Variants in ZNF804B observed in about 807,000 individuals in gnomAD.
ZNF804B encodes zinc finger protein 804B, also known as zinc finger 804B.
ZNF804B carries 80 observed loss-of-function variants against 101.4 expected under a neutral mutation model. That is an observed-to-expected ratio of 0.79 (90% CI 0.66 to 0.95). The LOEUF (loss-of-function observed/expected upper bound fraction) is 0.95, where lower values mean the gene tolerates loss of function less well. Among genes scored for constraint, ZNF804B ranks in the 40% least tolerant of loss-of-function variants. The pLI, the probability that ZNF804B is intolerant of heterozygous loss-of-function variation, is 0.00. For synonymous variants in ZNF804B, 622 were observed against 558.8 expected, an observed-to-expected ratio of 1.11 and a Z score of -1.59; for missense variants, 1,673 against 1,561.9, an observed-to-expected ratio of 1.07 and a Z score of -1.20.
chr7:88,795,001 G>C, intron 1 of ZNF804B: 1 of 1,433,330 alleles, frequency 7.0e-7, no homozygotes, highest in African/African-American at 1.4e-5. Context: ...TAATATTTAT[G>C]CTGCCAGGGT....
At chr7:88,760,144 GAT>G in intron 1 of ZNF804B, 60 bp downstream of exon 1, 1 of 1,342,752 alleles carries the variant, frequency 7.4e-7, no homozygotes, top group South Asian at 1.2e-5. Flanking sequence ...CAAACAAAAA[GAT>G]ATTGAGAGAT....
intron 1 of ZNF804B, among the ~76,000 whole-genome samples, chr7:88,865,654 C>G (rs937717088): frequency 6.6e-6 from 1 of 152,214 alleles, no homozygotes; most frequent in African/African-American, 2.4e-5. Context: ...TCTACCAAAA[C>G]TTTTGTTCCA....
chr7:88,958,564 A>G (rs148995127), intron 1 of ZNF804B, among the ~76,000 whole-genome samples: 236 of 151,636 alleles, frequency 1.6e-3, no homozygotes, highest in Non-Finnish European at 2.9e-3. Context: ...TCTAGTCACT[A>G]TGAACTATGT....
At chr7:88,926,979 G>T (rs971562137) in intron 1 of ZNF804B, among the ~76,000 whole-genome samples, 2 of 149,738 alleles carry the variant, frequency 1.3e-5, no homozygotes, top group South Asian at 4.2e-4. Flanking sequence ...TTGTACAAGT[G>T]CAGGGCTCCT....
At chr7:89,138,235 C>T (rs1584009065) in intron 1 of ZNF804B, among the ~76,000 whole-genome samples, 1 of 152,016 alleles carries the variant, frequency 6.6e-6, no homozygotes, top group Non-Finnish European at 1.5e-5. Flanking sequence ...TACTGGGGCA[C>T]TGCCTAGTGG....
intron 1 of ZNF804B, among the ~76,000 whole-genome samples, chr7:88,816,298 A>G (rs552422381): frequency 6.6e-6 from 1 of 152,306 alleles, no homozygotes; most frequent in East Asian, 1.9e-4. Context: ...AACCTAGGCA[A>G]TACCATTCAG....
chr7:88,995,346 AATAG>A (rs1788170379), intron 1 of ZNF804B, among the ~76,000 whole-genome samples: 1 of 152,108 alleles, frequency 6.6e-6, no homozygotes, highest in South Asian at 2.1e-4. Flanking sequence ...CAGAGCATAT[AATAG>A]ATATACTTAC....
At position 88,759,738 on chromosome 7, in the gene ZNF804B, G is replaced by A; in HGVS notation, c.-239G>A. ...GAGCAGCATGTGGACTGGCTCGCCG[G>A]GTCCCCTCCGTGCTCTGTGCTGTCG... On this transcript the variant is annotated 5_prime_UTR_variant, in exon 1 of 4. Coordinates refer to ENST00000333190, the MANE Select transcript of ZNF804B (RefSeq NM_181646.5). 7.3e-6 allele frequency: 4 copies of A among 547,442 alleles called. No homozygotes were observed. Among genetic ancestry groups the A allele is most frequent in the African/African-American group, 1.9e-5 (1 of 52,826 alleles). 33.9% of individuals were successfully genotyped at this position (547,442 alleles called of 1,614,324 possible).
chr7:89,187,788 G>A (rs1462796726), intron 1 of ZNF804B, among the ~76,000 whole-genome samples: 2 of 152,038 alleles, frequency 1.3e-5, no homozygotes, highest in African/African-American at 4.8e-5. Flanking sequence ...ACATAACTTT[G>A]ACATGTAAGG....
intron 1 of ZNF804B, among the ~76,000 whole-genome samples, chr7:88,897,484 T>C (rs1469631814): frequency 2.6e-5 from 4 of 152,026 alleles, no homozygotes; most frequent in African/African-American, 9.7e-5. Context: ...TTTGGACTTC[T>C]GAATTCCAGA....
chr7:88,760,002 C>A lies in ZNF804B; in HGVS notation c.26C>A (p.Ser9Ter). The A allele has an allele frequency of 6.2e-7, 1 of 1,614,192 alleles. No homozygotes were observed. Among genetic ancestry groups the A allele is most frequent in the South Asian group, 1.1e-5 (1 of 91,082 alleles). Residue 9 changes from serine (S) to a stop codon, truncating the protein, a stop_gained, in exon 1 of 4, where the codon TCG becomes TAG. Coordinates refer to ENST00000333190, the MANE Select transcript of ZNF804B (RefSeq NM_181646.5). LOFTEE classifies it high-confidence loss of function. Reference protein sequence around the residue: MACYLVISSRHLSNGHYRG... With the variant: MACYLVIS ...ATGGCTTGTTACCTGGTCATCAGTTCGAGACATCTCAGCAATGGGCACTAC... is the reference window on the plus strand; with the variant it reads ...ATGGCTTGTTACCTGGTCATCAGTTAGAGACATCTCAGCAATGGGCACTAC...
At chr7:89,302,534 GA>G (rs1365640715) in intron 2 of ZNF804B, among the ~76,000 whole-genome samples, 2 of 151,898 alleles carry the variant, frequency 1.3e-5, no homozygotes, top group Non-Finnish European at 2.9e-5. Context: ...GAAAGAGACA[GA>G]AGAATGATAT....
intron 1 of ZNF804B, among the ~76,000 whole-genome samples, chr7:88,958,759 G>A (rs527980938): frequency 6.6e-6 from 1 of 151,376 alleles, no homozygotes; most frequent in Non-Finnish European, 1.5e-5. Context: ...CATGATGTAG[G>A]ATGCTTACAT....
At chr7:89,318,382 A>G (rs1161146846) in intron 2 of ZNF804B, among the ~76,000 whole-genome samples, 1 of 152,212 alleles carries the variant, frequency 6.6e-6, no homozygotes, top group Non-Finnish European at 1.5e-5. Flanking sequence ...GATCATGCAA[A>G]CAAAAAGACA....
intron 1 of ZNF804B, among the ~76,000 whole-genome samples, chr7:88,879,302 G>A (rs1389501782): frequency 6.6e-6 from 1 of 152,120 alleles, no homozygotes; most frequent in Non-Finnish European, 1.5e-5. Flanking sequence ...ACCAAAGGGG[G>A]TAAAAATTGG....
intron 1 of ZNF804B, among the ~76,000 whole-genome samples, chr7:89,206,949 G>C (rs763841683): frequency 2.0e-4 from 31 of 152,266 alleles, no homozygotes; most frequent in Middle Eastern, 3.4e-3. Context: ...CATAACAAGA[G>C]TCACCATTGC....
At chr7:89,097,534 A>G (rs1382455134) in intron 1 of ZNF804B, among the ~76,000 whole-genome samples, 1 of 152,210 alleles carries the variant, frequency 6.6e-6, no homozygotes, top group Admixed American at 6.5e-5. Context: ...GCTGGAGACT[A>G]TTTCTTAAAT....
chr7:88,939,596 A>G (rs1004891663), intron 1 of ZNF804B, among the ~76,000 whole-genome samples: 8 of 151,972 alleles, frequency 5.3e-5, no homozygotes, highest in African/African-American at 1.9e-4. Flanking sequence ...TACAATGAAT[A>G]TAAACAAATT....
intron 3 of ZNF804B, among the ~76,000 whole-genome samples, chr7:89,327,722 A>G (rs1402886181): frequency 6.6e-6 from 1 of 152,050 alleles, no homozygotes; most frequent in Non-Finnish European, 1.5e-5. Context: ...ATTAGCATTT[A>G]TTCTATCCAG....
Sources: gnomAD v4.1 joint callset for allele counts (sites outside exome capture counted in the v4.1 genomes callset) on GRCh38, gnomAD v4.1.1 for gene constraint, MANE v1.5 for transcripts, NCBI Gene and HGNC (gene_info 2026-07-23, HGNC 2026-07-21) for gene names.